The following CNTNAP2 variants were observed in gnomAD, a reference collection of about 807,000 sequenced individuals.
CNTNAP2 encodes the protein contactin-associated protein-like 2.
A neutral mutation model predicts 155.2 loss-of-function variants in CNTNAP2; 98 were observed. That is an observed-to-expected ratio of 0.63 (90% CI 0.54 to 0.75). CNTNAP2 has a LOEUF of 0.75. CNTNAP2 is among the 30% of genes least tolerant of loss of function. The pLI is 0.00. For missense variants in CNTNAP2, 1,727 were observed against 1,688.1 expected (o/e 1.02, Z -0.40); for synonymous variants, 651 against 631.2 (o/e 1.03, Z -0.47).
At chr7:148,113,716 C>T (rs1292039185) in intron 15 of CNTNAP2, among the ~76,000 whole-genome samples, 7 of 152,208 alleles carry the variant, frequency 4.6e-5, no homozygotes, top group East Asian at 3.9e-4. Flanking sequence ...TCTTGCCACA[C>T]GTGATGAGCC....
At chr7:146,345,275 T>C (rs548631843) in intron 1 of CNTNAP2, among the ~76,000 whole-genome samples, 3 of 152,204 alleles carry the variant, frequency 2.0e-5, no homozygotes, top group Non-Finnish European at 4.4e-5. Context: ...TTCTAATCAC[T>C]TTGCATTTTT....
At chr7:146,395,826 G>GATAGATAGATA (rs1563068432) in intron 1 of CNTNAP2, among the ~76,000 whole-genome samples, 10 of 116,846 alleles carry the variant, frequency 8.6e-5, no homozygotes, top group South Asian at 2.9e-4. Flanking sequence ...GATAGATAGA[G>GATAGATAGATA]GAGAGAGAGA....
At chr7:146,277,152 C>T (rs1321876282) in intron 1 of CNTNAP2, among the ~76,000 whole-genome samples, 10 of 152,116 alleles carry the variant, frequency 6.6e-5, no homozygotes, top group Non-Finnish European at 1.3e-4. Flanking sequence ...CAACGGAGGC[C>T]TGGAGCAACC....
chr7:148,383,075 C>T (rs1799104090), intron 21 of CNTNAP2, among the ~76,000 whole-genome samples: 1 of 152,090 alleles, frequency 6.6e-6, no homozygotes, highest in African/African-American at 2.4e-5. Flanking sequence ...AGTTTCCTGA[C>T]TGCCAAAACC....
intron 13 of CNTNAP2, among the ~76,000 whole-genome samples, chr7:147,707,753 G>T (rs980861154): frequency 2.3e-4 from 35 of 152,336 alleles, no homozygotes; most frequent in African/African-American, 7.5e-4. Context: ...TAGCTCTGAA[G>T]TGATTTGCAT....
At chr7:146,668,439 T>TGTGGGG (rs34211221) in intron 1 of CNTNAP2, among the ~76,000 whole-genome samples, 16 of 135,222 alleles carry the variant, frequency 1.2e-4, no homozygotes, top group South Asian at 2.5e-4. Context: ...TGTGTGTGTG[T>TGTGGGG]GTGTGTGTGT....
chr7:147,822,766 T>C (rs1289992112), intron 13 of CNTNAP2, among the ~76,000 whole-genome samples: 1 of 152,202 alleles, frequency 6.6e-6, no homozygotes, highest in African/African-American at 2.4e-5. Context: ...ATCATTGCGA[T>C]GTATATGACA....
intron 10 of CNTNAP2, among the ~76,000 whole-genome samples, chr7:147,458,351 C>G (rs1276367141): frequency 6.6e-6 from 1 of 151,998 alleles, no homozygotes; most frequent in African/African-American, 2.4e-5. Context: ...CAAAATTAAT[C>G]AAATTGCAAG....
chr7:147,242,987 A>ATTTTTTTTTTTTT lies in CNTNAP2; in HGVS notation c.1349-57137_1349-57125dup, dbSNP rs766917054. 6.7e-3 allele frequency among the ~76,000 whole-genome samples: 316 copies of ATTTTTTTTTTTTT among 47,166 alleles called. 102 individuals are homozygous for ATTTTTTTTTTTTT. The highest frequency in any genetic ancestry group is 0.03 in the East Asian group (32 of 1,050). The allele number at this position is 47,166 out of a possible 152,430, so 30.9% of individuals were successfully genotyped here. On this transcript the variant is annotated intron_variant, in intron 8 of 23. Transcript: ENST00000361727. ...TGTTGTATTCCACACTATGCTTTGC[A>ATTTTTTTTTTTTT]TTTTTTTTTTTTTTTTTTTTTTTTT...
At chr7:146,977,135 TA>T (rs1338894536) in intron 3 of CNTNAP2, among the ~76,000 whole-genome samples, 1 of 151,836 alleles carries the variant, frequency 6.6e-6, no homozygotes, top group East Asian at 1.9e-4. Flanking sequence ...AATACATATA[TA>T]AAAAACATAA....
chr7:147,167,237 T>C (rs1802132484), intron 8 of CNTNAP2: 1 of 364,162 alleles, frequency 2.7e-6, no homozygotes, highest in Non-Finnish European at 4.9e-6. Flanking sequence ...GATGCTCCCT[T>C]TAATATTAAC....
At chr7:147,319,894 C>A (rs1332701698) in intron 9 of CNTNAP2, among the ~76,000 whole-genome samples, 1 of 152,116 alleles carries the variant, frequency 6.6e-6, no homozygotes, top group African/African-American at 2.4e-5. Flanking sequence ...CATCAGCAAA[C>A]TCTTTTATAT....
intron 15 of CNTNAP2, among the ~76,000 whole-genome samples, chr7:148,106,519 T>TATATAC (rs1491129840): frequency 2.3e-5 from 3 of 130,864 alleles, no homozygotes; most frequent in African/African-American, 8.2e-5. Flanking sequence ...TATATATATA[T>TATATAC]ACATATTTTT....
chr7:146,713,148 G>T (rs1263653129), intron 1 of CNTNAP2, among the ~76,000 whole-genome samples: 2 of 151,952 alleles, frequency 1.3e-5, no homozygotes, highest in Admixed American at 1.3e-4. Context: ...ACATATAAAA[G>T]CAGGCATACT....
intron 15 of CNTNAP2, among the ~76,000 whole-genome samples, chr7:148,005,719 T>A (rs1200962737): frequency 6.6e-6 from 1 of 152,170 alleles, no homozygotes; most frequent in Admixed American, 6.5e-5. Flanking sequence ...CCATGAGGAC[T>A]TTATCATAAA....
intron 8 of CNTNAP2, among the ~76,000 whole-genome samples, chr7:147,254,788 C>A (rs561882328): frequency 2.0e-5 from 3 of 152,120 alleles, no homozygotes; most frequent in Admixed American, 2.0e-4. Context: ...TTTTAAAATT[C>A]TCATTGGGGG....
At chr7:146,245,029 T>C (rs916503819) in intron 1 of CNTNAP2, among the ~76,000 whole-genome samples, 10 of 152,124 alleles carry the variant, frequency 6.6e-5, no homozygotes, top group Non-Finnish European at 8.8e-5. Flanking sequence ...TAGATTTCCA[T>C]GATGGAAAGG....
At chr7:146,525,570 A>ATCTG in intron 1 of CNTNAP2, among the ~76,000 whole-genome samples, 1 of 140,206 alleles carries the variant, frequency 7.1e-6, no homozygotes, top group African/African-American at 3.2e-5. Flanking sequence ...CTATCTATCT[A>ATCTG]TCTATCTCTC....
intron 12 of CNTNAP2, among the ~76,000 whole-genome samples, chr7:147,612,735 C>T (rs1021759246): frequency 1.3e-5 from 2 of 152,096 alleles, no homozygotes; most frequent in African/African-American, 4.8e-5. Flanking sequence ...ACTCTCCTTT[C>T]TCAACTCTTA....
Sources: gnomAD v4.1 joint callset for allele counts (sites outside exome capture counted in the v4.1 genomes callset) on GRCh38, gnomAD v4.1.1 for gene constraint, MANE v1.5 for transcripts, NCBI Gene and HGNC (gene_info 2026-07-23, HGNC 2026-07-21) for gene names.